The following SLFN13 variants were observed in gnomAD, a reference collection of about 807,000 sequenced individuals.
The protein encoded by SLFN13 is schlafen-13.
Under a neutral mutation model 50.6 loss-of-function variants are expected in SLFN13, and 43 were observed. The ratio of observed to expected loss-of-function variants is 0.85; its 90% CI spans 0.67 to 1.09. SLFN13 has a LOEUF of 1.09. Among genes scored for constraint, SLFN13 ranks in the 50% least tolerant of loss-of-function variants. SLFN13 has a pLI of 0.00. For synonymous variants in SLFN13, 339 were observed against 386.5 expected, an observed-to-expected ratio of 0.88 and a Z score of 1.44; for missense variants, 881 against 1,071.1, an observed-to-expected ratio of 0.82 and a Z score of 2.48.
chr17:35,449,598 C>T (rs1419608632), upstream of SLFN13, among the ~76,000 whole-genome samples: 11 of 152,232 alleles, frequency 7.2e-5, no homozygotes, highest in Non-Finnish European at 1.5e-4. Context: ...GCAGACCCCG[C>T]GCCAGAGTGG....
In SLFN13 at chr17:35,445,849, G is replaced by T. The variant is rs995273804; in HGVS notation, c.-13-156C>A. Reference sequence around the variant, plus strand: ...TAGTCTCTTTAGGAGCTGACTGGCTGGCAGGGAAGGGAACTAATGAAATTA... The same window carrying T: ...TAGTCTCTTTAGGAGCTGACTGGCTTGCAGGGAAGGGAACTAATGAAATTA... On this transcript the variant is annotated intron_variant, in intron 2 of 5. Transcript: ENST00000285013. 3.9e-5 allele frequency: 24 copies of T among 611,756 alleles called. No homozygotes were observed. In the Admixed American group the frequency reaches 5.6e-4, roughly 14 times the overall value. 37.9% of individuals were successfully genotyped at this position (611,756 alleles called of 1,614,324 possible).
chr17:35,449,099 C>T (rs150396939), upstream of SLFN13, among the ~76,000 whole-genome samples: 1,187 of 151,934 alleles, frequency 7.8e-3, 9 homozygotes, highest in Middle Eastern at 0.027. Context: ...TAGTGGCGCG[C>T]GCCTGTAGAC....
intron 1 of SLFN13, among the ~76,000 whole-genome samples, chr17:35,447,680 A>C (rs1429852319): frequency 6.6e-6 from 1 of 152,168 alleles, no homozygotes. Flanking sequence ...GCAGAAACAG[A>C]AGGAAACAGC....
Position 35,437,737 on chromosome 17 carries a change from A to G in SLFN13, c.*2858T>C, listed in dbSNP as rs1207045001. 6.6e-6 allele frequency: 1 copy of G among 152,138 alleles called. No individual in the cohort carries two copies. Among genetic ancestry groups the G allele is most frequent in the African/African-American group, 2.4e-5 (1 of 41,456 alleles). The allele number at this position is 152,138 out of a possible 1,614,324, so 9.4% of individuals were successfully genotyped here. On this transcript the variant is annotated 3_prime_UTR_variant, in exon 6 of 6. Coordinates refer to ENST00000285013, the MANE Select transcript of SLFN13 (RefSeq NM_144682.6). Reference sequence around the variant, plus strand: ...AAGGAAATAAGCTAGGTTTAAAAAAATTTTAAAAAGGAGGGCACTAAGTGG... The same window carrying G: ...AAGGAAATAAGCTAGGTTTAAAAAAGTTTTAAAAAGGAGGGCACTAAGTGG...
chr17:35,436,837 C>A lies in SLFN13; in HGVS notation c.*3758G>T, dbSNP rs1258342897. On this transcript the variant is annotated 3_prime_UTR_variant, in exon 6 of 6. Transcript: ENST00000285013. ...ACTTAAAAGAAAGGAAAGCTCAATA[C>A]AATGCATGATCTTAGATCAAATCCT... The A allele has an allele frequency of 6.6e-6, 1 of 152,100 alleles. No homozygotes were observed. Among genetic ancestry groups the A allele is most frequent in the Non-Finnish European group, 1.5e-5 (1 of 68,022 alleles). The allele number at this position is 152,100 out of a possible 1,614,324, so 9.4% of individuals were successfully genotyped here. A position where few individuals can be genotyped will look rare whatever the true frequency, so the allele number is the denominator to read the frequency against.
Position 35,440,868 on chromosome 17 carries a change from C to A in SLFN13, c.2421G>T (p.Lys807Asn). Residue 807 changes from lysine (K) to asparagine (N), a missense_variant, in exon 6 of 6, where the codon AAG becomes AAT. Around this residue, in one of 5 missense-constraint regions of SLFN13, gnomAD observed 322 missense variants for 327.4 expected, o/e 0.98. Coordinates refer to ENST00000285013, the MANE Select transcript of SLFN13 (RefSeq NM_144682.6). ...CGGTGCTGACAAGCACAGCAACATC[C>A]TTTGGAGAATAGCCCCTTTCAAAGA... is the stretch of plus-strand genomic sequence containing the variant. Reference protein sequence around the residue: ...RCFFERGYSPKDVAVLVSTVT... With the variant: ...RCFFERGYSPNDVAVLVSTVT... 1.9e-6 allele frequency: 3 copies of A among 1,614,154 alleles called. No individual in the cohort carries two copies. Among genetic ancestry groups the A allele is most frequent in the Non-Finnish European group, 1.7e-6 (2 of 1,180,016 alleles).
rs1912655151 is a variant in SLFN13, at chr17:35,436,709, T to G, written c.*3886A>C. 1 of 152,040 alleles carries G rather than the reference T, an allele frequency of 6.6e-6. No homozygotes were observed. Among genetic ancestry groups the G allele is most frequent in the Admixed American group, 6.6e-5 (1 of 15,254 alleles). 9.4% of individuals were successfully genotyped at this position (152,040 alleles called of 1,614,324 possible). A position where few individuals can be genotyped will look rare whatever the true frequency, so the allele number is the denominator to read the frequency against. ...ACCTGAATCTAATCATGAGAACACA[T>G]GAAATGACCCAAAATCAGATACTCT... On this transcript the variant is annotated 3_prime_UTR_variant, in exon 6 of 6. Coordinates refer to ENST00000285013, the MANE Select transcript of SLFN13 (RefSeq NM_144682.6).
intron 2 of SLFN13, chr17:35,446,928 GT>G (rs1438194443): frequency 2.6e-5 from 4 of 152,172 alleles, no homozygotes; most frequent in Non-Finnish European, 4.4e-5. Context: ...TCTTTGTCAA[GT>G]TACCTGTAAA....
chr17:35,444,532 G>T, intron 3 of SLFN13, 83 bp downstream of exon 3: 2 of 1,256,446 alleles, frequency 1.6e-6, no homozygotes, highest in Non-Finnish European at 2.2e-6. Flanking sequence ...GGTGTGAGAA[G>T]GTCAAGCTTA....
Position 35,445,502 on chromosome 17 carries a change from A to T in SLFN13, c.179T>A (p.Val60Glu), listed in dbSNP as rs1567864681. 37 of 1,613,790 alleles carry T rather than the reference A, an allele frequency of 2.3e-5. No individual in the cohort carries two copies. Among genetic ancestry groups the T allele is most frequent in the Non-Finnish European group, 3.1e-5 (36 of 1,179,952 alleles). Residue 60 changes from valine to glutamate, a missense_variant, in exon 3 of 6, where the codon GTG (valine) becomes GAG (glutamate). By Grantham distance (121) the Val-to-Glu change is moderately radical. Around this residue, in one of 5 missense-constraint regions of SLFN13, gnomAD observed 497 missense variants for 518.3 expected, o/e 0.96. Transcript: ENST00000285013. ...ACALLNSGGG[V>E]IQMEMANRDE... ...CCTGTTGGCCATTTCCATCTGAATC[A>T]CTCCTCCTCCTGAGTTTAATAAAGC... is the stretch of plus-strand genomic sequence containing the variant.
At chr17:35,442,498 C>T (rs1912972063) in intron 4 of SLFN13, among the ~76,000 whole-genome samples, 1 of 152,228 alleles carries the variant, frequency 6.6e-6, no homozygotes, top group Admixed American at 6.5e-5. Context: ...GGCTGGAGTG[C>T]AGTGGCCCGA....
In SLFN13 at chr17:35,445,560, G is replaced by A; in HGVS notation, c.121C>T (p.Gln41Ter). The change falls in exon 3 of 6, where the codon CAA becomes TAA. Residue 41 changes from glutamine to a stop codon, truncating the protein, a stop_gained. Coordinates refer to ENST00000285013, the MANE Select transcript of SLFN13 (RefSeq NM_144682.6). LOFTEE classifies it high-confidence loss of function. ...RKKLQKTQRDQERARVIRAAC... is the reference protein window; with the variant it reads ...RKKLQKTQRD ...GCCCGTATAACTCTCGCCCTCTCTTGGTCTCTCTGAGTTTTCTGTAGCTTT... is the reference window on the plus strand; with the variant it reads ...GCCCGTATAACTCTCGCCCTCTCTTAGTCTCTCTGAGTTTTCTGTAGCTTT... The A allele has an allele frequency of 6.2e-7, 1 of 1,613,942 alleles. No homozygotes were observed. The highest frequency in any genetic ancestry group is 8.5e-7 in the Non-Finnish European group (1 of 1,179,992).
rs1912770575 is a variant in SLFN13, at chr17:35,439,956, G to C, written c.*639C>G. The C allele has an allele frequency of 6.6e-6, 1 of 152,118 alleles. No individual in the cohort carries two copies. The highest frequency in any genetic ancestry group is 1.5e-5 in the Non-Finnish European group (1 of 68,074). 9.4% of individuals were successfully genotyped at this position (152,118 alleles called of 1,614,324 possible). On this transcript the variant is annotated 3_prime_UTR_variant, in exon 6 of 6. Transcript: ENST00000285013. ...ATGTTCACTATTACAATTAAGCCTT[G>C]GTCTGGGTTATTCTGATAACAAACT...
chr17:35,444,333 C>T (rs192115868), intron 3 of SLFN13, among the ~76,000 whole-genome samples: 1 of 152,324 alleles, frequency 6.6e-6, no homozygotes, highest in Non-Finnish European at 1.5e-5. Flanking sequence ...AAGCTAATCA[C>T]TATTATGAGG....
rs1912801606 is a variant in SLFN13, at chr17:35,440,560, A to G, written c.*35T>C. ...GACTGTCACCCATAGACATTTACAC[A>G]GTATTTTGGTTTGGAGTTCTTCCTA... On this transcript the variant is annotated 3_prime_UTR_variant, in exon 6 of 6. Coordinates refer to ENST00000285013, the MANE Select transcript of SLFN13 (RefSeq NM_144682.6). The G allele has an allele frequency of 3.7e-6, 6 of 1,606,810 alleles. No homozygotes were observed. The highest frequency in any genetic ancestry group is 4.3e-6 in the Non-Finnish European group (5 of 1,174,938).
In SLFN13 at chr17:35,441,328, A is replaced by G; in HGVS notation, c.1961T>C (p.Phe654Ser). ...NICRAETRET[F>S]LREKFEHIQH... ...AATGTGTTCAAATTTTTCTCTTAGG[A>G]AAGTTTCCCGGGTCTCTGCTCGGCA... Residue 654 changes from phenylalanine (F) to serine (S), a missense_variant, in exon 6 of 6, where the codon TTC (phenylalanine) becomes TCC (serine). Phe to Ser is a radical substitution (Grantham distance 155, BLOSUM62 -2). Coordinates refer to ENST00000285013, the MANE Select transcript of SLFN13 (RefSeq NM_144682.6). The G allele has an allele frequency of 6.2e-7, 1 of 1,611,852 alleles. No homozygotes were observed. The highest frequency in any genetic ancestry group is 8.5e-7 in the Non-Finnish European group (1 of 1,179,412).
At chr17:35,449,044 T>TACAACAACA (rs10610343), upstream of SLFN13, among the ~76,000 whole-genome samples, 2,569 of 148,274 alleles carry the variant, frequency 0.017, 57 homozygotes, top group African/African-American at 0.047. Context: ...CCCCCGTCTG[T>TACAACAACA]ACAACAACAA....
intron 2 of SLFN13, among the ~76,000 whole-genome samples, chr17:35,446,472 C>G (rs1175704142): frequency 6.6e-6 from 1 of 152,086 alleles, no homozygotes; most frequent in Middle Eastern, 3.2e-3. Context: ...TCCAGTTCTG[C>G]CATTTAGTAC....
rs1912934699 is a variant in SLFN13, at chr17:35,442,039, C to T, written c.1446G>A (p.Glu482=). 6.2e-7 allele frequency: 1 copy of T among 1,614,188 alleles called. No individual in the cohort carries two copies. Among genetic ancestry groups the T allele is most frequent in the Non-Finnish European group, 8.5e-7 (1 of 1,180,056 alleles). The change falls in exon 5 of 6, where the codon GAG becomes GAA. Residue 482 remains glutamate, a synonymous_variant. Transcript: ENST00000285013. ...CGGTGCGAGTGCAGTAGTCCTGGCC[C>T]TCTGCATCCTGCTCCCTGAGAATGG... ...LYTILREQDA[E]GQDYCTRTAF... is the part of the protein sequence containing the mutation.
Sources: gnomAD v4.1 joint callset for allele counts (sites outside exome capture counted in the v4.1 genomes callset) on GRCh38, gnomAD v4.1.1 for gene constraint, gnomAD v4.1.1 regional missense constraint, MANE v1.5 for transcripts, NCBI Gene and HGNC (gene_info 2026-07-23, HGNC 2026-07-21) for gene names.